The following GINS1 variants were observed in gnomAD, a reference collection of about 807,000 sequenced individuals.
The protein encoded by GINS1 is GINS complex subunit 1, also known as DNA replication complex GINS protein PSF1.
GINS1 carries 26 observed loss-of-function variants against 34.9 expected under a neutral mutation model. That is an observed-to-expected ratio of 0.74 (90% CI 0.55 to 1.03). GINS1 has a LOEUF of 1.03. Ranked by LOEUF, GINS1 falls within the 50% of genes least tolerant of loss-of-function variation. The pLI is 0.00. For synonymous variants in GINS1, 97 were observed against 84.4 expected (o/e 1.15, Z -0.82); for missense variants, 235 against 237.9 (o/e 0.99, Z 0.08).
intron 2 of GINS1, 46 bp downstream of exon 2, chr20:25,413,900 T>G: frequency 8.6e-7 from 1 of 1,167,418 alleles, no homozygotes; most frequent in Non-Finnish European, 1.3e-6. Context: ...ATAATTAAGA[T>G]GTTGAAATTG....
At chr20:25,432,379 T>G (rs1228197277) in intron 5 of GINS1, among the ~76,000 whole-genome samples, 1 of 152,024 alleles carries the variant, frequency 6.6e-6, no homozygotes, top group Non-Finnish European at 1.5e-5. Flanking sequence ...CTCGGCTCAC[T>G]GCAACCTCCG....
At chr20:25,415,774 G>T (rs2090317132) in intron 2 of GINS1, among the ~76,000 whole-genome samples, 2 of 152,076 alleles carry the variant, frequency 1.3e-5, no homozygotes, top group South Asian at 4.1e-4. Context: ...GCCAAATTGG[G>T]ATTCATGCTA....
intron 6 of GINS1, among the ~76,000 whole-genome samples, chr20:25,444,950 T>TA (rs754617293): frequency 1.7e-4 from 26 of 152,208 alleles, no homozygotes; most frequent in Non-Finnish European, 3.4e-4. Flanking sequence ...GAACAGGTTT[T>TA]ATGGAGAAAT....
intron 5 of GINS1, among the ~76,000 whole-genome samples, chr20:25,432,858 TTA>T (rs1254275584): frequency 6.7e-6 from 1 of 148,528 alleles, no homozygotes. Flanking sequence ...TATATGTTTA[TTA>T]TATATTAACT....
chr20:25,441,882 T>C, intron 6 of GINS1, 106 bp downstream of exon 6: 1 of 642,196 alleles, frequency 1.6e-6, no homozygotes, highest in Non-Finnish European at 2.8e-6. Flanking sequence ...GTTTATATAT[T>C]AGGCATTATC....
chr20:25,416,086 G>A (rs572069230), intron 2 of GINS1, among the ~76,000 whole-genome samples: 1 of 152,302 alleles, frequency 6.6e-6, no homozygotes, highest in Admixed American at 6.5e-5. Flanking sequence ...TGTAAGTGTG[G>A]ACAGGTGGTG....
chr20:25,420,174 C>T (rs1230941301), intron 4 of GINS1, among the ~76,000 whole-genome samples: 1 of 152,070 alleles, frequency 6.6e-6, no homozygotes, highest in Non-Finnish European at 1.5e-5. Context: ...CGCTCTGTTG[C>T]TCCAGCTGGA....
chr20:25,442,951 A>T (rs1211607116), intron 6 of GINS1: 1 of 152,134 alleles, frequency 6.6e-6, no homozygotes, highest in Non-Finnish European at 1.5e-5. Flanking sequence ...CGTGAGGAGG[A>T]AAAATGACCT....
At chr20:25,418,693 T>C (rs1259903493) in intron 4 of GINS1, among the ~76,000 whole-genome samples, 1 of 152,202 alleles carries the variant, frequency 6.6e-6, no homozygotes, top group African/African-American at 2.4e-5. Flanking sequence ...ATATTACCTA[T>C]CTATTACAGG....
At chr20:25,420,789 AAAAAAAAG>A (rs1057184326) in intron 4 of GINS1, 6 of 869,050 alleles carry the variant, frequency 6.9e-6, no homozygotes, top group African/African-American at 1.8e-5. Context: ...CTCAAAAAAA[AAAAAAAAG>A]AAAAAAAGAA....
intron 5 of GINS1, among the ~76,000 whole-genome samples, chr20:25,440,753 G>A (rs1667849167): frequency 6.8e-6 from 1 of 147,362 alleles, no homozygotes. Context: ...AGAGGTTGTA[G>A]TGCGTGGAGA....
chr20:25,423,674 C>T (rs1158183874), intron 4 of GINS1, among the ~76,000 whole-genome samples: 4 of 147,068 alleles, frequency 2.7e-5, no homozygotes, highest in Middle Eastern at 3.5e-3. Flanking sequence ...AGTGCAGTGG[C>T]ATGATCTCAG....
chr20:25,430,158 G>T (rs1405365960), intron 5 of GINS1, among the ~76,000 whole-genome samples: 1 of 152,148 alleles, frequency 6.6e-6, no homozygotes. Context: ...TCATCCACCC[G>T]CCTTGGCCTC....
At chr20:25,414,324 G>A (rs956474558) in intron 2 of GINS1, among the ~76,000 whole-genome samples, 1 of 151,932 alleles carries the variant, frequency 6.6e-6, no homozygotes, top group Admixed American at 6.6e-5. Context: ...AGAAATTTGT[G>A]CTGATCACTG....
Position 25,427,866 on chromosome 20 carries a change from G to A in GINS1, c.447+2539G>A, listed in dbSNP as rs185278159. ...TTAAAATTTTCATGCAGCCCAGTTCGTCATTTTTTTTTTTTTTTTTTTGAG... is the reference window on the plus strand; with the variant it reads ...TTAAAATTTTCATGCAGCCCAGTTCATCATTTTTTTTTTTTTTTTTTTGAG... On this transcript the variant is annotated intron_variant, in intron 5 of 6. Transcript: ENST00000262460. 3.7e-4 allele frequency among the ~76,000 whole-genome samples: 43 copies of A among 116,110 alleles called. No homozygotes were observed. The East Asian group carries it at 8.7e-3, about 24-fold the overall frequency. The allele number at this position is 116,110 out of a possible 152,430, so 76.2% of individuals were successfully genotyped here. A position where few individuals can be genotyped will look rare whatever the true frequency, so the allele number is the denominator to read the frequency against.
At chr20:25,419,068 G>T (rs2090338663) in intron 4 of GINS1, among the ~76,000 whole-genome samples, 1 of 152,148 alleles carries the variant, frequency 6.6e-6, no homozygotes, top group Non-Finnish European at 1.5e-5. Flanking sequence ...GAAAGTACAA[G>T]AATTTAGAAG....
intron 2 of GINS1, among the ~76,000 whole-genome samples, chr20:25,414,524 A>G (rs1039463160): frequency 5.9e-5 from 9 of 151,982 alleles, no homozygotes; most frequent in African/African-American, 2.2e-4. Flanking sequence ...ATATAGCAGG[A>G]CTCTGTCTCT....
At chr20:25,431,870 C>A (rs1266680989) in intron 5 of GINS1, among the ~76,000 whole-genome samples, 1 of 151,882 alleles carries the variant, frequency 6.6e-6, no homozygotes, top group East Asian at 1.9e-4. Context: ...CCATGCCTGG[C>A]CTTGTTTTTG....
chr20:25,419,600 A>G, intron 4 of GINS1: 1 of 783,914 alleles, frequency 1.3e-6, no homozygotes, highest in Non-Finnish European at 1.7e-6. Context: ...AGATGAACAG[A>G]ACATTATGTT....
Sources: gnomAD v4.1 joint callset for allele counts (sites outside exome capture counted in the v4.1 genomes callset) on GRCh38, gnomAD v4.1.1 for gene constraint, MANE v1.5 for transcripts, NCBI Gene and HGNC (gene_info 2026-07-23, HGNC 2026-07-21) for gene names.